Variants in ARHGEF38 observed in about 807,000 individuals in gnomAD.
ARHGEF38 encodes the protein Rho guanine nucleotide exchange factor (GEF) 38.
ARHGEF38 carries 79 observed loss-of-function variants against 79.9 expected under a neutral mutation model. The observed-to-expected ratio is 0.99, with a 90% CI of 0.82 to 1.19. ARHGEF38 has a LOEUF of 1.19. ARHGEF38 is among the 50% of genes most tolerant of loss of function. The pLI, the probability that ARHGEF38 is intolerant of heterozygous loss-of-function variation, is 0.00. For synonymous variants in ARHGEF38, 366 were observed against 328.3 expected, an observed-to-expected ratio of 1.11 and a Z score of -1.24; for missense variants, 962 against 907.2, an observed-to-expected ratio of 1.06 and a Z score of -0.78.
intron 7 of ARHGEF38, among the ~76,000 whole-genome samples, chr4:105,649,559 A>G (rs1730005098): frequency 6.6e-6 from 1 of 152,218 alleles, no homozygotes; most frequent in Non-Finnish European, 1.5e-5. Context: ...TAGGGAAGAT[A>G]GTTCTTAGTA....
chr4:105,647,506 G>T (rs183721214), intron 6 of ARHGEF38, among the ~76,000 whole-genome samples: 74 of 152,012 alleles, frequency 4.9e-4, no homozygotes, highest in South Asian at 1.5e-3. Context: ...ATACCTTGCT[G>T]TTAGAAAAAA....
At chr4:105,597,830 A>T (rs915386129) in intron 2 of ARHGEF38, among the ~76,000 whole-genome samples, 3 of 152,152 alleles carry the variant, frequency 2.0e-5, no homozygotes, top group African/African-American at 7.2e-5. Flanking sequence ...TTACAACTGC[A>T]TGTGAATCTA....
chr4:105,558,666 G>T (rs1725367154), intron 1 of ARHGEF38, among the ~76,000 whole-genome samples: 1 of 151,998 alleles, frequency 6.6e-6, no homozygotes, highest in Non-Finnish European at 1.5e-5. Flanking sequence ...AGGACCATTT[G>T]TGTCAAATAA....
Position 105,580,867 on chromosome 4 carries a change from G to A in ARHGEF38, c.197-8381G>A, listed in dbSNP as rs528252891. Among the ~76,000 whole-genome samples, 71 of 152,092 alleles carry A rather than the reference G, an allele frequency of 4.7e-4. No individual in the cohort carries two copies. In the South Asian group the frequency reaches 6.9e-3, roughly 15 times the overall value. On this transcript the variant is annotated intron_variant, in intron 1 of 13. Transcript: ENST00000420470. ...TTTTTGTATTTTTAGTAGAGGCGGG[G>A]TTTCACCATGTTGGCCAGGCTGGTC...
At chr4:105,671,892 C>CT (rs1241046373) in intron 13 of ARHGEF38, among the ~76,000 whole-genome samples, 3 of 152,044 alleles carry the variant, frequency 2.0e-5, no homozygotes, top group African/African-American at 4.8e-5. Flanking sequence ...TGTGGTAGCA[C>CT]TTTTTTTATT....
rs183707794 is a variant in ARHGEF38 at position 105,593,525 on chromosome 4, A to G, written c.384+4090A>G. 2.5e-3 allele frequency among the ~76,000 whole-genome samples: 375 copies of G among 152,316 alleles called. 1 individual carries two copies. The highest frequency in any genetic ancestry group is 3.4e-3 in the Middle Eastern group (1 of 294). On this transcript the variant is annotated intron_variant, in intron 2 of 13. Coordinates refer to ENST00000420470, the MANE Select transcript of ARHGEF38 (RefSeq NM_001242729.2). Reference sequence around the variant, plus strand: ...TGTACTGCAGCCTGAGAGACAGAGCAAGACCCTGTCTCCAGAAGAAACAAA... The same window carrying G: ...TGTACTGCAGCCTGAGAGACAGAGCGAGACCCTGTCTCCAGAAGAAACAAA...
At chr4:105,557,912 T>G (rs1359625912) in intron 1 of ARHGEF38, among the ~76,000 whole-genome samples, 1 of 152,142 alleles carries the variant, frequency 6.6e-6, no homozygotes, top group Admixed American at 6.6e-5. Flanking sequence ...CCAGTGCATA[T>G]TTTTGTTTAT....
intron 3 of ARHGEF38, among the ~76,000 whole-genome samples, chr4:105,629,820 G>T (rs375343799): frequency 4.6e-5 from 7 of 152,044 alleles, no homozygotes; most frequent in African/African-American, 1.7e-4. Context: ...ATTAGTCTAA[G>T]TTGCTTTACG....
chr4:105,657,483 G>C (rs1730381127), intron 9 of ARHGEF38, among the ~76,000 whole-genome samples: 1 of 151,876 alleles, frequency 6.6e-6, no homozygotes, highest in South Asian at 2.1e-4. Context: ...CTAACCATGA[G>C]TAATACATAT....
chr4:105,677,690 T>C (rs1731170493), intron 13 of ARHGEF38, 62 bp from the exon 14 acceptor site: 3 of 1,333,532 alleles, frequency 2.2e-6, no homozygotes, highest in Non-Finnish European at 2.9e-6. Flanking sequence ...TGGAAACTTT[T>C]ATGATGTTTC....
chr4:105,655,628 G>A lies in ARHGEF38; in HGVS notation c.1139G>A (p.Ser380Asn). Residue 380 changes from serine to asparagine, a missense_variant, in exon 9 of 14, where the codon AGT becomes AAT. By Grantham distance (46) the Ser-to-Asn change is conservative. Transcript: ENST00000420470. ...GATGCCATGCCCCTGGCTCTGCAGA[G>A]TGTGATGGACCTTCAGGAGATTTCA... ...IQDAMPLALQ[S>N]VMDLQEISYN... The A allele has an allele frequency of 6.5e-7, 1 of 1,535,998 alleles. No homozygotes were observed.
At chr4:105,677,045 C>A (rs1188384104) in intron 13 of ARHGEF38, among the ~76,000 whole-genome samples, 1 of 151,832 alleles carries the variant, frequency 6.6e-6, no homozygotes, top group Non-Finnish European at 1.5e-5. Flanking sequence ...CTCACTGCAA[C>A]CACCGCCTCC....
In ARHGEF38 at chr4:105,680,006, G is replaced by A. The variant is rs142888887; in HGVS notation, c.*2069G>A. ...AAACACAGTGCATTCTGTTTTGTGC[G>A]GATTCATGGCCATGTCAGTTACATT... On this transcript the variant is annotated 3_prime_UTR_variant, in exon 14 of 14. Coordinates refer to ENST00000420470, the MANE Select transcript of ARHGEF38 (RefSeq NM_001242729.2). 2,803 of 1,075,012 alleles carry A rather than the reference G, an allele frequency of 2.6e-3. 73 individuals carry two copies. In the South Asian group the frequency reaches 0.033, roughly 13 times the overall value. 66.6% of individuals were successfully genotyped at this position (1,075,012 alleles called of 1,614,324 possible).
intron 1 of ARHGEF38, among the ~76,000 whole-genome samples, chr4:105,574,391 C>CA (rs1032098380): frequency 1.8e-3 from 272 of 150,902 alleles, no homozygotes; most frequent in African/African-American, 5.7e-3. Flanking sequence ...ACTAAAGATA[C>CA]AAAAAAAAAT....
At chr4:105,643,981 C>G (rs1196100544) in intron 5 of ARHGEF38, among the ~76,000 whole-genome samples, 1 of 151,080 alleles carries the variant, frequency 6.6e-6, no homozygotes, top group African/African-American at 2.4e-5. Flanking sequence ...ATCTGCCCAC[C>G]TCAGCCTCCC....
At chr4:105,581,565 T>G (rs1010731427) in intron 1 of ARHGEF38, among the ~76,000 whole-genome samples, 9 of 152,178 alleles carry the variant, frequency 5.9e-5, no homozygotes, top group African/African-American at 2.2e-4. Flanking sequence ...ATTATACAAC[T>G]CAACTATTTA....
At chr4:105,632,983 A>AT (rs1409507151) in intron 4 of ARHGEF38, 1 of 152,682 alleles carries the variant, frequency 6.5e-6, no homozygotes. Context: ...GGCAGAGGTG[A>AT]TTTTAGAACC....
Position 105,679,534 on chromosome 4 carries a change from G to A in ARHGEF38, c.*1597G>A. ...TCAAAGCTTGATACACCAGAAATGT[G>A]GGCTAAAGCTGCAGCCAATGCATCT... On this transcript the variant is annotated 3_prime_UTR_variant, in exon 14 of 14. Transcript: ENST00000420470. The A allele has an allele frequency of 7.8e-7, 1 of 1,277,934 alleles. No homozygotes were observed. Among genetic ancestry groups the A allele is most frequent in the Non-Finnish European group, 1.1e-6 (1 of 876,208 alleles). The allele number at this position is 1,277,934 out of a possible 1,614,324, so 79.2% of individuals were successfully genotyped here. A position where few individuals can be genotyped will look rare whatever the true frequency, so the allele number is the denominator to read the frequency against.
At chr4:105,639,355 G>A (rs1729527738) in intron 5 of ARHGEF38, among the ~76,000 whole-genome samples, 1 of 151,736 alleles carries the variant, frequency 6.6e-6, no homozygotes, top group African/African-American at 2.4e-5. Flanking sequence ...GCTGTTTCAG[G>A]CTGTTTTTAA....
Sources: allele counts gnomAD v4.1 joint callset (sites outside exome capture counted in the v4.1 genomes callset), GRCh38; gene constraint gnomAD v4.1.1; transcripts MANE v1.5; gene names NCBI Gene and HGNC (gene_info 2026-07-23, HGNC 2026-07-21).